The following PRRX2 variants were observed in gnomAD, a reference collection of about 807,000 sequenced individuals.
PRRX2 encodes paired related homeobox 2.
In PRRX2, 11 loss-of-function variants were observed where a neutral mutation model predicts 18.0. The ratio of observed to expected loss-of-function variants is 0.61; its 90% CI spans 0.39 to 1.01. The LOEUF (loss-of-function observed/expected upper bound fraction) is 1.01, where lower values mean the gene tolerates loss of function less well. Ranked by LOEUF, PRRX2 falls within the 50% of genes least tolerant of loss-of-function variation. The probability of loss-of-function intolerance (pLI) is 0.01; values close to 1 mark genes in which losing one functional copy is unlikely to be tolerated. For missense variants in PRRX2, 387 were observed against 351.0 expected, an observed-to-expected ratio of 1.10 and a Z score of -0.82; for synonymous variants, 177 against 154.8, an observed-to-expected ratio of 1.14 and a Z score of -1.06.
intron 1 of PRRX2, among the ~76,000 whole-genome samples, chr9:129,718,997 C>T (rs1034487914): frequency 7.2e-5 from 11 of 152,148 alleles, no homozygotes; most frequent in African/African-American, 2.2e-4. Flanking sequence ...TTTTGTTCTC[C>T]GTTATCTCCC....
At chr9:129,681,867 C>T (rs1159841573) in intron 1 of PRRX2, among the ~76,000 whole-genome samples, 3 of 152,210 alleles carry the variant, frequency 2.0e-5, no homozygotes, top group Non-Finnish European at 4.4e-5. Flanking sequence ...GGAAGAACCT[C>T]CAGGTTCTGG....
At chr9:129,720,206 G>GCAAGCGCCTCTCCCCGCGAGTC (rs1832771269) in intron 2 of PRRX2, among the ~76,000 whole-genome samples, 1 of 142,728 alleles carries the variant, frequency 7.0e-6, no homozygotes, top group African/African-American at 2.7e-5. Context: ...CCCCGCGAGT[G>GCAAGCGCCTCTCCCCGCGAGTC]CTCAGCAAGC....
Position 129,668,444 on chromosome 9 carries a change from G to A in PRRX2, c.259+2318G>A, listed in dbSNP as rs140631590. ...CACGGATCCAGACATGCTTGGAGGT[G>A]GGTTTTCCTGTGGCTCTTGGAGTTG... On this transcript the variant is annotated intron_variant, in intron 1 of 3. Coordinates refer to ENST00000372469, the MANE Select transcript of PRRX2 (RefSeq NM_016307.4). 3.9e-5 allele frequency among the ~76,000 whole-genome samples: 6 copies of A among 152,266 alleles called. No homozygotes were observed. The East Asian group carries it at 1.2e-3, about 30-fold the overall frequency.
chr9:129,673,280 C>G (rs984283563), intron 1 of PRRX2, among the ~76,000 whole-genome samples: 5 of 152,020 alleles, frequency 3.3e-5, no homozygotes, highest in Admixed American at 2.6e-4. Context: ...AAGACCTTGC[C>G]TCTACAAACA....
intron 1 of PRRX2, among the ~76,000 whole-genome samples, chr9:129,666,703 C>T (rs978572510): frequency 6.6e-6 from 1 of 152,156 alleles, no homozygotes; most frequent in Non-Finnish European, 1.5e-5. Context: ...ACCCAAGTGG[C>T]CTTTTTCAAA....
intron 1 of PRRX2, among the ~76,000 whole-genome samples, chr9:129,694,413 G>T (rs1832396024): frequency 6.6e-6 from 1 of 152,220 alleles, no homozygotes; most frequent in Non-Finnish European, 1.5e-5. Flanking sequence ...TCCAACTCCT[G>T]ACCTCAAGTG....
At chr9:129,673,652 C>CCACACACACA (rs3054761) in intron 1 of PRRX2, among the ~76,000 whole-genome samples, 1 of 149,222 alleles carries the variant, frequency 6.7e-6, no homozygotes, top group Non-Finnish European at 1.5e-5. Flanking sequence ...ACCCCCCATG[C>CCACACACACA]CACACACACA....
At position 129,695,211 on chromosome 9, in the gene PRRX2, C is replaced by T. The variant is rs1185894150; in HGVS notation, c.260-24020C>T. On this transcript the variant is annotated intron_variant, in intron 1 of 3. Transcript: ENST00000372469. This position sits in a 1 kb window ranked among gnomAD's most constrained non-coding sequence, Gnocchi z 4.8. ...TTATTCCCTTCTCCACCCCACAGTC[C>T]GTGAGTGTGGATAGGTGGCCCGTAA... is the stretch of plus-strand genomic sequence containing the variant. Among the ~76,000 whole-genome samples the T allele has an allele frequency of 1.3e-5, 2 of 152,136 alleles. No individual in the cohort carries two copies. The highest frequency in any genetic ancestry group is 4.8e-5 in the African/African-American group (2 of 41,424).
chr9:129,674,444 G>A (rs1832139645), intron 1 of PRRX2, among the ~76,000 whole-genome samples: 1 of 152,140 alleles, frequency 6.6e-6, no homozygotes, highest in African/African-American at 2.4e-5. Context: ...GTGAGTGGGG[G>A]CAACGGGTGA....
At chr9:129,710,743 CA>C (rs1832608263) in intron 1 of PRRX2, among the ~76,000 whole-genome samples, 1 of 152,040 alleles carries the variant, frequency 6.6e-6, no homozygotes, top group Non-Finnish European at 1.5e-5. Flanking sequence ...AAAAACAAAA[CA>C]AAACGAAAGT....
intron 1 of PRRX2, among the ~76,000 whole-genome samples, chr9:129,690,763 C>T (rs962755831): frequency 6.6e-6 from 1 of 151,890 alleles, no homozygotes; most frequent in African/African-American, 2.4e-5. Flanking sequence ...GCCTTGGCCT[C>T]CCAAAGTGCT....
At chr9:129,697,110 T>G (rs1832435897) in intron 1 of PRRX2, among the ~76,000 whole-genome samples, 1 of 152,204 alleles carries the variant, frequency 6.6e-6, no homozygotes, top group African/African-American at 2.4e-5. Context: ...CCCTTAGCCT[T>G]GGCCTTGGCC....
chr9:129,691,657 T>C (rs553454679), intron 1 of PRRX2, among the ~76,000 whole-genome samples: 4 of 151,642 alleles, frequency 2.6e-5, no homozygotes, highest in African/African-American at 9.7e-5. Flanking sequence ...TATTTTTTAA[T>C]ATTCTTTTCC....
At chr9:129,666,154 T>TGGGGG in intron 1 of PRRX2, 28 bp downstream of exon 1, 1 of 452,838 alleles carries the variant, frequency 2.2e-6, no homozygotes, top group Non-Finnish European at 2.7e-6. Context: ...GGGACGGGGG[T>TGGGGG]GGCGGGGCCG....
At chr9:129,667,621 A>G (rs963167466) in intron 1 of PRRX2, among the ~76,000 whole-genome samples, 49 of 151,432 alleles carry the variant, frequency 3.2e-4, no homozygotes, top group African/African-American at 1.2e-3. Flanking sequence ...GTGAGGAGGG[A>G]AGGAAGGGGG....
chr9:129,713,742 T>C (rs1187836262), intron 1 of PRRX2, among the ~76,000 whole-genome samples: 1 of 151,956 alleles, frequency 6.6e-6, no homozygotes, highest in Admixed American at 6.6e-5. Flanking sequence ...GTGATTCTCC[T>C]GCCTCGGCCT....
chr9:129,665,997 C>T lies in PRRX2; in HGVS notation c.130C>T (p.Leu44=). The change falls in exon 1 of 4, where the codon CTG becomes TTG. Residue 44 remains leucine (L), a synonymous_variant. Transcript: ENST00000372469. This position sits in a 1 kb window ranked among gnomAD's most constrained non-coding sequence, Gnocchi z 5.3. ...CAAGAACTTCTCGGTGAGCCACCTCCTGGACCTGGAAGAGGTGGCGGCGGC... is the reference window on the plus strand; with the variant it reads ...CAAGAACTTCTCGGTGAGCCACCTCTTGGACCTGGAAGAGGTGGCGGCGGC... ...ARKNFSVSHL[L]DLEEVAAAGR... is the part of the protein sequence containing the mutation. The T allele has an allele frequency of 9.0e-7, 1 of 1,106,738 alleles. No homozygotes were observed. Among genetic ancestry groups the T allele is most frequent in the Non-Finnish European group, 1.1e-6 (1 of 907,636 alleles). 68.6% of individuals were successfully genotyped at this position (1,106,738 alleles called of 1,614,324 possible).
intron 1 of PRRX2, among the ~76,000 whole-genome samples, chr9:129,680,229 C>G (rs1832209091): frequency 1.3e-5 from 2 of 151,746 alleles, no homozygotes; most frequent in South Asian, 4.2e-4. Context: ...TGGTGAAGCC[C>G]CATCTCTACT....
At chr9:129,720,136 G>T (rs1832769989) in intron 2 of PRRX2, among the ~76,000 whole-genome samples, 2 of 151,268 alleles carry the variant, frequency 1.3e-5, no homozygotes, top group Admixed American at 6.6e-5. Context: ...CTCAGCAAGC[G>T]CCTCTCCCCG....
Sources: gnomAD v4.1 joint callset for allele counts (sites outside exome capture counted in the v4.1 genomes callset) on GRCh38, gnomAD v4.1.1 for gene constraint, Gnocchi (gnomAD v3.1) non-coding constraint, MANE v1.5 for transcripts, NCBI Gene and HGNC (gene_info 2026-07-23, HGNC 2026-07-21) for gene names.